LRRFIP1: variants seen among roughly 807,000 people sequenced by gnomAD.
LRRFIP1 encodes the protein leucine-rich repeat flightless-interacting protein 1.
A neutral mutation model predicts 104.4 loss-of-function variants in LRRFIP1; 62 were observed. The ratio of observed to expected loss-of-function variants is 0.59; its 90% CI spans 0.48 to 0.73. The LOEUF is 0.73. Among genes scored for constraint, LRRFIP1 ranks in the 30% least tolerant of loss-of-function variants. The probability of loss-of-function intolerance (pLI) is 0.00; values close to 1 mark genes in which losing one functional copy is unlikely to be tolerated. For synonymous variants in LRRFIP1, 300 were observed against 299.0 expected, an observed-to-expected ratio of 1.00 and a Z score of -0.03; for missense variants, 796 against 824.5, an observed-to-expected ratio of 0.97 and a Z score of 0.42.
chr2:237,711,611 G>A lies in LRRFIP1; in HGVS notation c.184-2648G>A, dbSNP rs543789656. ...CTTGCGGCTGTGACACAGGGCGGGC[G>A]TCGTGGGCGCGGCTGTGGACTCCTG... On this transcript the variant is annotated intron_variant, in intron 2 of 23. Coordinates refer to ENST00000308482, the MANE Select transcript of LRRFIP1 (RefSeq NM_001137550.2). The surrounding 1 kb of genome is among the most constrained non-coding windows in gnomAD (Gnocchi z 4.4). 1.6e-4 allele frequency among the ~76,000 whole-genome samples: 25 copies of A among 152,342 alleles called. No individual in the cohort carries two copies. The highest frequency in any genetic ancestry group is 3.4e-3 in the Middle Eastern group (1 of 294).
At chr2:237,641,599 T>C (rs7577308) in intron 1 of LRRFIP1, among the ~76,000 whole-genome samples, 3,662 of 152,298 alleles carry the variant, frequency 0.024, 155 homozygotes, top group African/African-American at 0.083. Flanking sequence ...TTTCAATCTA[T>C]TTTTCTTTCC....
In LRRFIP1 at chr2:237,692,132, C is replaced by T. The variant is rs539399730; in HGVS notation, c.97-16412C>T. The T allele has an allele frequency of 5.7e-3, 5,417 of 946,066 alleles. 247 individuals are homozygous for T. The African/African-American group carries it at 0.094, about 16-fold the overall frequency. 58.6% of individuals were successfully genotyped at this position (946,066 alleles called of 1,614,324 possible). On this transcript the variant is annotated intron_variant, in intron 1 of 23. Transcript: ENST00000308482. ...GCGGGGCGTAGCCGGGAGGGCCCCT[C>T]CGAGGCGGAACTGCGTGGGGGGCGG...
intron 1 of LRRFIP1, among the ~76,000 whole-genome samples, chr2:237,669,329 C>T (rs913354004): frequency 6.6e-6 from 1 of 152,200 alleles, no homozygotes; most frequent in African/African-American, 2.4e-5. Flanking sequence ...TTTGTGTTGT[C>T]TGAGAGTGTC....
At chr2:237,779,249 G>A (rs1025315036) in intron 23 of LRRFIP1, 173 bp from the exon 24 acceptor site, 17 of 651,840 alleles carry the variant, frequency 2.6e-5, no homozygotes, top group Non-Finnish European at 3.2e-5. Flanking sequence ...GATCCCCAAG[G>A]GTGTTCCCTC....
chr2:237,709,064 G>A (rs751465202), intron 2 of LRRFIP1, among the ~76,000 whole-genome samples: 11 of 152,102 alleles, frequency 7.2e-5, no homozygotes, highest in Non-Finnish European at 1.6e-4. Flanking sequence ...GATCACACAC[G>A]GGCTCCAGGT....
At chr2:237,679,201 G>A (rs947132130) in intron 1 of LRRFIP1, among the ~76,000 whole-genome samples, 10 of 152,194 alleles carry the variant, frequency 6.6e-5, no homozygotes, top group South Asian at 2.1e-4. Context: ...GTTATGAGAC[G>A]TGTAATTTGT....
At chr2:237,694,775 A>G (rs2093053048) in intron 1 of LRRFIP1, among the ~76,000 whole-genome samples, 1 of 152,206 alleles carries the variant, frequency 6.6e-6, no homozygotes, top group African/African-American at 2.4e-5. Flanking sequence ...GAGCTGTAGG[A>G]GAGGGTCCGA....
At chr2:237,652,453 G>A (rs1359534961) in intron 1 of LRRFIP1, among the ~76,000 whole-genome samples, 1 of 152,206 alleles carries the variant, frequency 6.6e-6, no homozygotes, top group Non-Finnish European at 1.5e-5. Flanking sequence ...TGGATATAAA[G>A]GTTACAGCAA....
intron 9 of LRRFIP1, 48 bp downstream of exon 9, chr2:237,733,866 A>G (rs764073822): frequency 2.3e-5 from 37 of 1,593,488 alleles, no homozygotes; most frequent in Non-Finnish European, 3.4e-6. Context: ...CCCACTGTGC[A>G]TGCACCGCCC....
intron 1 of LRRFIP1, among the ~76,000 whole-genome samples, chr2:237,671,619 G>A (rs2090350373): frequency 6.6e-6 from 1 of 151,992 alleles, no homozygotes; most frequent in South Asian, 2.1e-4. Context: ...AGCAAGGAGT[G>A]GCTCAGGAGC....
In LRRFIP1 at chr2:237,774,462, G is replaced by A; in HGVS notation, c.1812G>A (p.Glu604=). 1 of 1,603,714 alleles carries A rather than the reference G, an allele frequency of 6.2e-7. No individual in the cohort carries two copies. ...CAGAAAAACGGAAACTCCAAAGAGA[G>A]GTAAATTTCCTAGGCAATTTCTAGG... The part of the protein sequence containing the change: ...LKAEKRKLQR[E]LRSALDKTEE... Residue 604 remains glutamate, a splice_region_variant and synonymous_variant, in exon 23 of 24, where the codon GAG becomes GAA. Coordinates refer to ENST00000308482, the MANE Select transcript of LRRFIP1 (RefSeq NM_001137550.2).
chr2:237,673,948 C>T (rs186250366), intron 1 of LRRFIP1, among the ~76,000 whole-genome samples: 5 of 152,048 alleles, frequency 3.3e-5, no homozygotes, highest in African/African-American at 1.2e-4. Flanking sequence ...TCTATTGTCT[C>T]GTTTCATCCT....
At chr2:237,773,422 CAGCTA>C (rs1299278703) in intron 22 of LRRFIP1, among the ~76,000 whole-genome samples, 2 of 152,106 alleles carry the variant, frequency 1.3e-5, no homozygotes, top group African/African-American at 4.8e-5. Flanking sequence ...CCTGTAATCT[CAGCTA>C]CTCAGGAGGC....
chr2:237,758,734 A>G lies in LRRFIP1; in HGVS notation c.1230A>G (p.Leu410=), dbSNP rs749921464. The change falls in exon 18 of 24, where the codon TTA becomes TTG. Residue 410 remains leucine, a synonymous_variant. Transcript: ENST00000308482. The part of the protein sequence containing the change: ...IEWKDKKIGA[L]ERQKEFFDSV... ...TGGCTCTGCTGCACACTCAGGCATT[A>G]GAGAGGCAGAAAGAGTTCTTTGATT... 6.8e-6 allele frequency: 11 copies of G among 1,610,478 alleles called. No individual in the cohort carries two copies. In the African/African-American group the frequency reaches 1.5e-4, roughly 22 times the overall value.
intron 8 of LRRFIP1, among the ~76,000 whole-genome samples, chr2:237,731,967 G>A (rs753486161): frequency 3.5e-4 from 53 of 152,242 alleles, no homozygotes; most frequent in South Asian, 8.3e-4. Flanking sequence ...TACGTGGTGC[G>A]TTTAATTTTA....
intron 1 of LRRFIP1, among the ~76,000 whole-genome samples, chr2:237,681,746 C>T (rs2091861525): frequency 8.5e-6 from 1 of 118,306 alleles, no homozygotes; most frequent in Admixed American, 1.0e-4. Context: ...GTGGCGGGAT[C>T]TCGGCTCACT....
intron 1 of LRRFIP1, among the ~76,000 whole-genome samples, chr2:237,690,663 G>C (rs569497940): frequency 1.3e-5 from 2 of 151,690 alleles, no homozygotes; most frequent in South Asian, 2.1e-4. Context: ...CTGGAACCCG[G>C]GAGGCAGAGG....
In LRRFIP1 at chr2:237,781,236, C is replaced by G. The variant is rs1029027727; in HGVS notation, c.*1704C>G. ...ACACCAGCAGCAAACACTCACACAT[C>G]ACGCAGACACGGCCGGCAGCATGCT... On this transcript the variant is annotated 3_prime_UTR_variant, in exon 24 of 24. Transcript: ENST00000308482. Among the ~76,000 whole-genome samples, 5 of 152,268 alleles carry G rather than the reference C, an allele frequency of 3.3e-5. No individual in the cohort carries two copies. The highest frequency in any genetic ancestry group is 1.2e-4 in the African/African-American group (5 of 41,476).
chr2:237,677,741 T>C (rs372022785), intron 1 of LRRFIP1, among the ~76,000 whole-genome samples: 1 of 152,194 alleles, frequency 6.6e-6, no homozygotes, highest in East Asian at 1.9e-4. Context: ...ATGAAACCTC[T>C]AGCACAGCCT....
Sources: allele counts gnomAD v4.1 joint callset (sites outside exome capture counted in the v4.1 genomes callset), GRCh38; gene constraint gnomAD v4.1.1; non-coding constraint Gnocchi (gnomAD v3.1); transcripts MANE v1.5; gene names NCBI Gene and HGNC (gene_info 2026-07-23, HGNC 2026-07-21).